Variants in IGF1 observed in about 807,000 individuals in gnomAD.
IGF1 encodes insulin-like growth factor 1.
In IGF1, 4 loss-of-function variants were observed where a neutral mutation model predicts 13.8. The ratio of observed to expected loss-of-function variants is 0.29; its 90% CI spans 0.14 to 0.66. The LOEUF is 0.66. Ranked by LOEUF, IGF1 falls within the 30% of genes least tolerant of loss-of-function variation. The pLI is 0.78. For synonymous variants in IGF1, 76 were observed against 72.6 expected (o/e 1.05, Z -0.23); for missense variants, 124 against 188.5 (o/e 0.66, Z 2.00).
chr12:102,400,210 A>G lies in IGF1; in HGVS notation c.*2297T>C, dbSNP rs897720101. 2.0e-5 allele frequency: 3 copies of G among 151,554 alleles called. No individual in the cohort carries two copies. Among genetic ancestry groups the G allele is most frequent in the African/African-American group, 7.3e-5 (3 of 41,294 alleles). 9.4% of individuals were successfully genotyped at this position (151,554 alleles called of 1,614,324 possible). A position where few individuals can be genotyped will look rare whatever the true frequency, so the allele number is the denominator to read the frequency against. On this transcript the variant is annotated 3_prime_UTR_variant, in exon 4 of 4. Coordinates refer to ENST00000337514, the MANE Select transcript of IGF1 (RefSeq NM_000618.5). ...ACTGAAGATGTTATTTTTGTTTTTC[A>G]TATAGACTTTCCAAGAATGTAAAAT... is the stretch of plus-strand genomic sequence containing the variant.
At chr12:102,417,941 T>A (rs748196925) in intron 3 of IGF1, 2 of 1,613,804 alleles carry the variant, frequency 1.2e-6, no homozygotes, top group South Asian at 2.2e-5. Flanking sequence ...CTCCTGGATG[T>A]GTCTTTGGCC....
intron 3 of IGF1, among the ~76,000 whole-genome samples, chr12:102,414,090 A>T (rs1874879916): frequency 6.6e-6 from 1 of 152,202 alleles, no homozygotes; most frequent in Non-Finnish European, 1.5e-5. Context: ...AAATAATGTT[A>T]ACTAAAACTT....
chr12:102,461,113 T>G (rs908869390), intron 2 of IGF1, among the ~76,000 whole-genome samples: 2 of 152,204 alleles, frequency 1.3e-5, no homozygotes, highest in Non-Finnish European at 2.9e-5. Flanking sequence ...ATTTTCTAAG[T>G]CTCCAATCCA....
In IGF1 at chr12:102,397,154, A is replaced by G. The variant is rs1408592228; in HGVS notation, c.*5353T>C. ...GAGGTGGAGGTTGCAGTGAGCCGAG[A>G]TCATGCCACTGCACTCCAGCCTGGG... On this transcript the variant is annotated 3_prime_UTR_variant, in exon 4 of 4. Transcript: ENST00000337514. 2 of 260,042 alleles carry G rather than the reference A, an allele frequency of 7.7e-6. No homozygotes were observed. The highest frequency in any genetic ancestry group is 7.2e-6 in the Non-Finnish European group (1 of 139,546). 16.1% of individuals were successfully genotyped at this position (260,042 alleles called of 1,614,324 possible).
Position 102,430,436 on chromosome 12 carries a change from C to T in IGF1, c.221-10746G>A, listed in dbSNP as rs5742662. ...CTACATTTAGTAACCTTTAGGCTGACGAATGAAATGACCCTCAAGGTATTG... is the reference window on the plus strand; with the variant it reads ...CTACATTTAGTAACCTTTAGGCTGATGAATGAAATGACCCTCAAGGTATTG... On this transcript the variant is annotated intron_variant, in intron 2 of 3. Transcript: ENST00000337514. 4.6e-4 allele frequency among the ~76,000 whole-genome samples: 70 copies of T among 152,146 alleles called. 1 individual carries two copies. In the South Asian group the frequency reaches 0.012, roughly 27 times the overall value.
intron 2 of IGF1, among the ~76,000 whole-genome samples, chr12:102,459,551 A>G (rs1879732840): frequency 6.6e-6 from 1 of 151,974 alleles, no homozygotes; most frequent in African/African-American, 2.4e-5. Context: ...TTTTGTCTGA[A>G]GAGTTGGGTT....
Position 102,398,619 on chromosome 12 carries a change from T to G in IGF1, c.*3888A>C, listed in dbSNP as rs1873422138. The G allele has an allele frequency of 6.6e-6, 1 of 152,160 alleles. No homozygotes were observed. Among genetic ancestry groups the G allele is most frequent in the Admixed American group, 6.6e-5 (1 of 15,258 alleles). The allele number at this position is 152,160 out of a possible 1,614,324, so 9.4% of individuals were successfully genotyped here. A position where few individuals can be genotyped will look rare whatever the true frequency, so the allele number is the denominator to read the frequency against. On this transcript the variant is annotated 3_prime_UTR_variant, in exon 4 of 4. Transcript: ENST00000337514. ...CTAACTTTAAAAAATTTCCAACTCC[T>G]GCCCCTGCACCCCCAAATTCACAAT...
intron 2 of IGF1, among the ~76,000 whole-genome samples, chr12:102,427,709 C>T (rs891103646): frequency 6.6e-6 from 1 of 152,086 alleles, no homozygotes; most frequent in Non-Finnish European, 1.5e-5. Flanking sequence ...GAGAGGCATC[C>T]GGGCCTGCAT....
chr12:102,430,800 CG>C (rs1282164864), intron 2 of IGF1, among the ~76,000 whole-genome samples: 1 of 152,198 alleles, frequency 6.6e-6, no homozygotes, highest in Non-Finnish European at 1.5e-5. Context: ...GTCTTCTCAT[CG>C]AGCCAGTGCT....
At chr12:102,406,907 A>C (rs1226388878) in intron 3 of IGF1, among the ~76,000 whole-genome samples, 2 of 152,078 alleles carry the variant, frequency 1.3e-5, no homozygotes, top group East Asian at 3.9e-4. Flanking sequence ...AGCCTGGCCA[A>C]CATGGTGAAA....
chr12:102,417,891 C>T, intron 3 of IGF1: 1 of 1,614,010 alleles, frequency 6.2e-7, no homozygotes, highest in East Asian at 2.2e-5. Flanking sequence ...CTTCTTTCCT[C>T]TGATCTGCAG....
intron 2 of IGF1, among the ~76,000 whole-genome samples, chr12:102,430,596 G>C (rs1876652636): frequency 6.6e-6 from 1 of 152,142 alleles, no homozygotes; most frequent in Non-Finnish European, 1.5e-5. Context: ...AGCCATTGAA[G>C]ATGACTTAAA....
chr12:102,456,921 C>T (rs1371943886), intron 2 of IGF1, among the ~76,000 whole-genome samples: 2 of 152,136 alleles, frequency 1.3e-5, no homozygotes, highest in Admixed American at 1.3e-4. Flanking sequence ...CTCAAATTAC[C>T]TCTGGAAACT....
rs138912872 is a variant in IGF1 at position 102,411,384 on chromosome 12, C to T, written c.402+8125G>A. Reference sequence around the variant, plus strand: ...ACTTTTGTCTTGCCATAATTGTGAACTAAAGCCGTGAAAATAGCACATATT... The same window carrying T: ...ACTTTTGTCTTGCCATAATTGTGAATTAAAGCCGTGAAAATAGCACATATT... On this transcript the variant is annotated intron_variant, in intron 3 of 3. Coordinates refer to ENST00000337514, the MANE Select transcript of IGF1 (RefSeq NM_000618.5). Among the ~76,000 whole-genome samples, 42 of 152,302 alleles carry T rather than the reference C, an allele frequency of 2.8e-4. No homozygotes were observed. In the East Asian group the frequency reaches 6.8e-3, roughly 24 times the overall value.
At chr12:102,448,144 A>C (rs1314567013) in intron 2 of IGF1, among the ~76,000 whole-genome samples, 1 of 150,670 alleles carries the variant, frequency 6.6e-6, no homozygotes, top group Non-Finnish European at 1.5e-5. Context: ...TTCCTCAGGG[A>C]TCTAGAACTA....
intron 3 of IGF1, among the ~76,000 whole-genome samples, chr12:102,407,108 A>C: frequency 6.9e-5 from 1 of 14,584 alleles, no homozygotes; most frequent in African/African-American, 2.2e-4. Context: ...AAAAAAAAAA[A>C]AAAAAAAAAA....
chr12:102,443,468 T>A lies in IGF1; in HGVS notation c.221-23778A>T, dbSNP rs552555976. On this transcript the variant is annotated intron_variant, in intron 2 of 3. Coordinates refer to ENST00000337514, the MANE Select transcript of IGF1 (RefSeq NM_000618.5). ...TAGAAATTGCTGGGTCTTGAAGATT[T>A]TGTGGCATAGAGCTACTTTGCACAG... Among the ~76,000 whole-genome samples, 10 of 152,218 alleles carry A rather than the reference T, an allele frequency of 6.6e-5. No homozygotes were observed. The South Asian group carries it at 1.7e-3, about 25-fold the overall frequency.
chr12:102,419,077 G>T (rs969386473), intron 3 of IGF1, among the ~76,000 whole-genome samples: 2 of 152,136 alleles, frequency 1.3e-5, no homozygotes, highest in Non-Finnish European at 2.9e-5. Flanking sequence ...CTTTATGCAG[G>T]CATGTGAAAA....
chr12:102,429,297 C>G (rs1267023578), intron 2 of IGF1, among the ~76,000 whole-genome samples: 1 of 151,980 alleles, frequency 6.6e-6, no homozygotes, highest in Non-Finnish European at 1.5e-5. Context: ...TATATTATTG[C>G]TTAAACATGA....
Sources: allele counts gnomAD v4.1 joint callset (sites outside exome capture counted in the v4.1 genomes callset), GRCh38; gene constraint gnomAD v4.1.1; transcripts MANE v1.5; gene names NCBI Gene and HGNC (gene_info 2026-07-23, HGNC 2026-07-21).